KIRREL3: variants seen among roughly 807,000 people sequenced by gnomAD.
The protein encoded by KIRREL3 is kin of IRRE-like protein 3.
A neutral mutation model predicts 89.7 loss-of-function variants in KIRREL3; 36 were observed. The ratio of observed to expected loss-of-function variants is 0.40; its 90% CI spans 0.31 to 0.53. The LOEUF (loss-of-function observed/expected upper bound fraction) is 0.53. Among genes scored for constraint, KIRREL3 ranks in the 20% least tolerant of loss-of-function variants. The pLI is 0.49. For missense variants in KIRREL3, 864 were observed against 1,056.6 expected (o/e 0.82, Z 2.53); for synonymous variants, 445 against 441.4 (o/e 1.01, Z -0.10).
chr11:126,923,181 C>CTT lies in KIRREL3; in HGVS notation c.55+77272_55+77273dup, dbSNP rs754506687. On this transcript the variant is annotated intron_variant, in intron 1 of 16. Transcript: ENST00000525144. Reference sequence around the variant, plus strand: ...TTCTTCTTCTTCTTCTTCTTCTCTTCTTCTTCTCTTCTTCTTCTTCTTCTT... The same window carrying CTT: ...TTCTTCTTCTTCTTCTTCTTCTCTTCTTTTCTTCTCTTCTTCTTCTTCTTCTT... Among the ~76,000 whole-genome samples the CTT allele has an allele frequency of 3.3e-4, 7 of 21,454 alleles. 1 individual carries two copies. The highest frequency in any genetic ancestry group is 7.2e-4 in the East Asian group (1 of 1,386). The allele number at this position is 21,454 out of a possible 152,430, so 14.1% of individuals were successfully genotyped here.
At chr11:126,434,229 G>T (rs916431159) in intron 13 of KIRREL3, among the ~76,000 whole-genome samples, 1 of 152,220 alleles carries the variant, frequency 6.6e-6, no homozygotes, top group Admixed American at 6.5e-5. Flanking sequence ...TCCCCACTCA[G>T]CCTCCCCTCC....
intron 4 of KIRREL3, among the ~76,000 whole-genome samples, chr11:126,480,477 A>G (rs183688353): frequency 6.6e-6 from 1 of 152,324 alleles, no homozygotes; most frequent in Non-Finnish European, 1.5e-5. Flanking sequence ...AGACTCAGAG[A>G]GGGCAAATTA....
Position 126,991,096 on chromosome 11 carries a change from C to T in KIRREL3, c.55+9359G>A, listed in dbSNP as rs564857429. Among the ~76,000 whole-genome samples, 5 of 152,176 alleles carry T rather than the reference C, an allele frequency of 3.3e-5. No homozygotes were observed. The highest frequency in any genetic ancestry group is 3.2e-3 in the Middle Eastern group (1 of 316). The stretch of plus-strand genomic sequence containing the variant: ...ACATGCATTAAAGAACAGAAGGACG[C>T]GATGGTTTCCTGTTGAAGCTGAGCA... On this transcript the variant is annotated intron_variant, in intron 1 of 16. Coordinates refer to ENST00000525144, the MANE Select transcript of KIRREL3 (RefSeq NM_032531.4). This position sits in a 1 kb window ranked among gnomAD's most constrained non-coding sequence, Gnocchi z 5.8.
Position 126,898,396 on chromosome 11 carries a change from ATAAG to A in KIRREL3, c.55+102055_55+102058del, listed in dbSNP as rs531853721. Reference sequence around the variant, plus strand: ...TGTGCATGCATATATCCTAAGGCACATAAGTAAGTATTGTGTGGTGGTATGAATG... The same window carrying A: ...TGTGCATGCATATATCCTAAGGCACATAAGTATTGTGTGGTGGTATGAATG... On this transcript the variant is annotated intron_variant, in intron 1 of 16. Transcript: ENST00000525144. This position sits in a 1 kb window ranked among gnomAD's most constrained non-coding sequence, Gnocchi z 4.9. 7.2e-5 allele frequency among the ~76,000 whole-genome samples: 11 copies of A among 152,326 alleles called. No individual in the cohort carries two copies. The South Asian group carries it at 2.3e-3, about 32-fold the overall frequency.
chr11:126,538,390 G>A (rs1938087939), intron 2 of KIRREL3, among the ~76,000 whole-genome samples: 1 of 152,214 alleles, frequency 6.6e-6, no homozygotes, highest in Non-Finnish European at 1.5e-5. Context: ...AAGCAAATAG[G>A]AAGAAGGGAA....
intron 1 of KIRREL3, among the ~76,000 whole-genome samples, chr11:126,572,897 A>G (rs1007206321): frequency 6.6e-6 from 1 of 152,174 alleles, no homozygotes; most frequent in Non-Finnish European, 1.5e-5. Context: ...TAAAGAATTG[A>G]TCACTGGAGT....
chr11:126,435,230 C>T (rs765630035), intron 13 of KIRREL3, 38 bp downstream of exon 13: 1 of 1,611,032 alleles, frequency 6.2e-7, no homozygotes, highest in African/African-American at 1.3e-5. Context: ...AGTCCCTTCC[C>T]CCCTTCCCAG....
intron 1 of KIRREL3, among the ~76,000 whole-genome samples, chr11:126,961,481 C>G (rs1330383603): frequency 6.6e-6 from 1 of 152,178 alleles, no homozygotes; most frequent in Non-Finnish European, 1.5e-5. Context: ...TAATACAGAG[C>G]AAGGCCCTAA....
At chr11:126,751,695 A>G (rs1173736223) in intron 1 of KIRREL3, among the ~76,000 whole-genome samples, 1 of 152,110 alleles carries the variant, frequency 6.6e-6, no homozygotes, top group African/African-American at 2.4e-5. Flanking sequence ...AGTGAGAACT[A>G]TTGCTAGATC....
intron 1 of KIRREL3, among the ~76,000 whole-genome samples, chr11:126,713,673 C>T (rs1267933559): frequency 6.6e-6 from 1 of 152,170 alleles, no homozygotes; most frequent in African/African-American, 2.4e-5. Flanking sequence ...ACAAATGACA[C>T]AATCAACTAT....
intron 1 of KIRREL3, among the ~76,000 whole-genome samples, chr11:126,911,071 G>T (rs1223379556): frequency 6.6e-6 from 1 of 152,194 alleles, no homozygotes; most frequent in Non-Finnish European, 1.5e-5. Context: ...AACAGAAAGG[G>T]TTGGCACAGA....
rs749519944 is a variant in KIRREL3 at position 126,454,671 on chromosome 11, T to C, written c.848+1678A>G. Among the ~76,000 whole-genome samples, 4 of 152,060 alleles carry C rather than the reference T, an allele frequency of 2.6e-5. No individual in the cohort carries two copies. The highest frequency in any genetic ancestry group is 7.2e-5 in the African/African-American group (3 of 41,382). On this transcript the variant is annotated intron_variant, in intron 7 of 16. Coordinates refer to ENST00000525144, the MANE Select transcript of KIRREL3 (RefSeq NM_032531.4). The surrounding 1 kb of genome is among the most constrained non-coding windows in gnomAD (Gnocchi z 5.8). ...GGAAGCCTAGGGCCAGGGAGTCTCA[T>C]TGGGCGCCTCTCTTGTATCTTCAGT...
intron 1 of KIRREL3, among the ~76,000 whole-genome samples, chr11:126,866,560 C>T (rs1944927383): frequency 6.7e-6 from 1 of 149,658 alleles, no homozygotes; most frequent in South Asian, 2.2e-4. Flanking sequence ...GGCCTGTGCC[C>T]ACGGGCCTAA....
intron 4 of KIRREL3, among the ~76,000 whole-genome samples, chr11:126,494,010 T>G (rs11220522): frequency 1.4e-4 from 22 of 152,282 alleles, no homozygotes; most frequent in Non-Finnish European, 2.6e-4. Flanking sequence ...ACCCCAGTAA[T>G]GGAAATAAAT....
chr11:126,630,791 G>T (rs1478977838), intron 1 of KIRREL3, among the ~76,000 whole-genome samples: 1 of 151,984 alleles, frequency 6.6e-6, no homozygotes, highest in Non-Finnish European at 1.5e-5. Flanking sequence ...TGGTGTTCTC[G>T]ACCCCACAGG....
At chr11:126,866,607 T>C (rs1944931258) in intron 1 of KIRREL3, among the ~76,000 whole-genome samples, 1 of 151,228 alleles carries the variant, frequency 6.6e-6, no homozygotes, top group Non-Finnish European at 1.5e-5. Flanking sequence ...CGCCCAAAGG[T>C]TGCATTTTCC....
chr11:126,756,534 T>C lies in KIRREL3; in HGVS notation c.56-193622A>G, dbSNP rs1054795377. On this transcript the variant is annotated intron_variant, in intron 1 of 16. Coordinates refer to ENST00000525144, the MANE Select transcript of KIRREL3 (RefSeq NM_032531.4). ...AACAGTTGACCAGGACCAGGACAGA[T>C]GTATTGTTGGTCTAGGCCCCTGGAA... Among the ~76,000 whole-genome samples, 6 of 152,250 alleles carry C rather than the reference T, an allele frequency of 3.9e-5. No individual in the cohort carries two copies. The East Asian group carries it at 9.6e-4, about 24-fold the overall frequency.
chr11:126,671,221 G>T (rs1945928759), intron 1 of KIRREL3, among the ~76,000 whole-genome samples: 2 of 148,514 alleles, frequency 1.3e-5, no homozygotes, highest in Admixed American at 6.9e-5. Flanking sequence ...TTAGATTGGT[G>T]ATGAGTTTTT....
At chr11:126,856,856 G>A (rs931348556) in intron 1 of KIRREL3, among the ~76,000 whole-genome samples, 9 of 152,076 alleles carry the variant, frequency 5.9e-5, no homozygotes, top group African/African-American at 2.2e-4. Context: ...GCCTCCCAAA[G>A]TGCTGGGATT....
Sources: allele counts gnomAD v4.1 joint callset (sites outside exome capture counted in the v4.1 genomes callset), GRCh38; gene constraint gnomAD v4.1.1; non-coding constraint Gnocchi (gnomAD v3.1); transcripts MANE v1.5; gene names NCBI Gene and HGNC (gene_info 2026-07-23, HGNC 2026-07-21).